Variants in NRG1 observed in about 807,000 individuals in gnomAD.
NRG1 encodes pro-neuregulin-1, membrane-bound isoform.
Under a neutral mutation model 63.8 loss-of-function variants are expected in NRG1, and 18 were observed. That is an observed-to-expected ratio of 0.28 (90% CI 0.19 to 0.42). NRG1 has a LOEUF of 0.42. Among genes scored for constraint, NRG1 ranks in the 10% least tolerant of loss-of-function variants. The pLI, the probability that NRG1 is intolerant of heterozygous loss-of-function variation, is 1.00. For missense variants in NRG1, 762 were observed against 814.7 expected (o/e 0.94, Z 0.79); for synonymous variants, 302 against 301.3 (o/e 1.00, Z -0.02).
chr8:32,044,856 AT>A (rs1820683027), intron 1 of NRG1, among the ~76,000 whole-genome samples: 1 of 147,732 alleles, frequency 6.8e-6, no homozygotes, highest in Non-Finnish European at 1.5e-5. Flanking sequence ...TTATGAGAAA[AT>A]AAGTTCTCAA....
chr8:31,720,196 A>G (rs1293481505), intron 1 of NRG1, among the ~76,000 whole-genome samples: 2 of 152,154 alleles, frequency 1.3e-5, no homozygotes, highest in African/African-American at 4.8e-5. Flanking sequence ...TGATCTTGCT[A>G]TCTTTATCAT....
Position 32,742,920 on chromosome 8 carries a change from C to G in NRG1, c.691+187C>G. On this transcript the variant is annotated intron_variant, in intron 7 of 11. Transcript: ENST00000356819. This position sits in a 1 kb window ranked among gnomAD's most constrained non-coding sequence, Gnocchi z 4.2. ...GCAATTGTATTACTTCCTCTGTTCGCGACTAGTTGGCTCTGAGATACTAAT... is the reference window on the plus strand; with the variant it reads ...GCAATTGTATTACTTCCTCTGTTCGGGACTAGTTGGCTCTGAGATACTAAT... 1 of 1,475,928 alleles carries G rather than the reference C, an allele frequency of 6.8e-7. No individual in the cohort carries two copies. Among genetic ancestry groups the G allele is most frequent in the Non-Finnish European group, 9.0e-7 (1 of 1,111,886 alleles). The allele number at this position is 1,475,928 out of a possible 1,614,324, so 91.4% of individuals were successfully genotyped here.
At chr8:31,829,808 G>T (rs948262292) in intron 1 of NRG1, among the ~76,000 whole-genome samples, 3 of 152,236 alleles carry the variant, frequency 2.0e-5, no homozygotes, top group Non-Finnish European at 4.4e-5. Context: ...AGACTGGCAG[G>T]TGACAAGGCA....
At chr8:32,568,587 G>A (rs915562568) in intron 1 of NRG1, among the ~76,000 whole-genome samples, 7 of 152,124 alleles carry the variant, frequency 4.6e-5, no homozygotes, top group Admixed American at 4.6e-4. Context: ...AAACTCGTGG[G>A]TAGTGCAAAT....
chr8:32,772,381 T>C (rs1831879369), downstream of NRG1, among the ~76,000 whole-genome samples: 1 of 152,118 alleles, frequency 6.6e-6, no homozygotes, highest in South Asian at 2.1e-4. Flanking sequence ...AATATAGGCT[T>C]TGTTAATGGC....
At chr8:32,050,211 A>T (rs1821757353) in intron 1 of NRG1, among the ~76,000 whole-genome samples, 1 of 152,046 alleles carries the variant, frequency 6.6e-6, no homozygotes, top group South Asian at 2.1e-4. Context: ...ACATTGCGTC[A>T]GTTGGTATCT....
intron 1 of NRG1, among the ~76,000 whole-genome samples, chr8:32,035,714 C>T (rs532832099): frequency 6.6e-6 from 1 of 152,150 alleles, no homozygotes; most frequent in South Asian, 2.1e-4. Flanking sequence ...CTTTTTTGAT[C>T]TTTGTTGGTT....
intron 1 of NRG1, among the ~76,000 whole-genome samples, chr8:32,213,528 G>T (rs901350809): frequency 6.6e-6 from 1 of 151,894 alleles, no homozygotes; most frequent in Non-Finnish European, 1.5e-5. Context: ...ATAGGTGATG[G>T]GTCGATAGGT....
chr8:31,882,329 TAAAAAAAAAA>T lies in NRG1; in HGVS notation c.37+242915_37+242924del, dbSNP rs745615085. On this transcript the variant is annotated intron_variant, in intron 1 of 10. Transcript: ENST00000519301. ...CTGTTGAGACTTACTGCTCAAAAACTAAAAAAAAAAAAAAAAAAAAAAAAAATACTCTTTT... is the reference window on the plus strand; with the variant it reads ...CTGTTGAGACTTACTGCTCAAAAACTAAAAAAAAAAAAAAAATACTCTTTT... Among the ~76,000 whole-genome samples the T allele has an allele frequency of 8.8e-4, 70 of 79,824 alleles. 1 individual carries two copies. The highest frequency in any genetic ancestry group is 2.9e-3 in the African/African-American group (60 of 20,416). 52.4% of individuals were successfully genotyped at this position (79,824 alleles called of 152,430 possible). A position where few individuals can be genotyped will look rare whatever the true frequency, so the allele number is the denominator to read the frequency against.
chr8:32,492,575 C>T (rs1826724410), intron 1 of NRG1, among the ~76,000 whole-genome samples: 1 of 152,124 alleles, frequency 6.6e-6, no homozygotes, highest in Admixed American at 6.6e-5. Context: ...CCTTAAGTAA[C>T]TTAGAATGGA....
intron 1 of NRG1, among the ~76,000 whole-genome samples, chr8:32,361,854 C>A (rs1054663392): frequency 2.6e-5 from 4 of 152,182 alleles, no homozygotes; most frequent in Non-Finnish European, 5.9e-5. Flanking sequence ...TTCTCTTCCC[C>A]TTACTTTGCT....
intron 1 of NRG1, among the ~76,000 whole-genome samples, chr8:31,983,738 T>C (rs1328754256): frequency 1.3e-5 from 2 of 151,998 alleles, no homozygotes; most frequent in Non-Finnish European, 2.9e-5. Flanking sequence ...CAGTGAATGA[T>C]AGAGCAGTAT....
chr8:32,364,044 C>G (rs1354654908), intron 1 of NRG1, among the ~76,000 whole-genome samples: 1 of 141,410 alleles, frequency 7.1e-6, no homozygotes, highest in African/African-American at 2.6e-5. Context: ...CAATAACACA[C>G]TATTAACACT....
chr8:32,094,103 A>C (rs1179883962), intron 1 of NRG1, among the ~76,000 whole-genome samples: 1 of 152,188 alleles, frequency 6.6e-6, no homozygotes, highest in Non-Finnish European at 1.5e-5. Context: ...ATATACCTGT[A>C]TCCAGGAATA....
intron 4 of NRG1, 76 bp from the exon 5 acceptor site, chr8:32,616,759 A>G: frequency 8.6e-7 from 1 of 1,157,536 alleles, no homozygotes; most frequent in Non-Finnish European, 1.3e-6. Context: ...GCGATACCCA[A>G]GCCTGGCAAA....
At chr8:32,685,249 GAATT>G (rs1233597194) in intron 5 of NRG1, among the ~76,000 whole-genome samples, 2 of 152,174 alleles carry the variant, frequency 1.3e-5, no homozygotes, top group Non-Finnish European at 2.9e-5. Flanking sequence ...CAATATGCCT[GAATT>G]CATATCTCAG....
chr8:32,453,178 C>T (rs922879964), intron 1 of NRG1, among the ~76,000 whole-genome samples: 1 of 152,052 alleles, frequency 6.6e-6, no homozygotes, highest in Non-Finnish European at 1.5e-5. Flanking sequence ...ATTTAAAATG[C>T]TTCTGGAAAG....
intron 1 of NRG1, among the ~76,000 whole-genome samples, chr8:31,706,495 T>C (rs1197181196): frequency 1.3e-5 from 2 of 152,176 alleles, no homozygotes; most frequent in African/African-American, 4.8e-5. Flanking sequence ...TCAAATCTTT[T>C]GATATTATAA....
intron 1 of NRG1, among the ~76,000 whole-genome samples, chr8:32,349,802 A>T (rs1288889876): frequency 2.0e-5 from 3 of 152,184 alleles, no homozygotes; most frequent in African/African-American, 7.2e-5. Context: ...AAGATCCATC[A>T]GGGCTGCTGG....
Sources: gnomAD v4.1 joint callset for allele counts (sites outside exome capture counted in the v4.1 genomes callset) on GRCh38, gnomAD v4.1.1 for gene constraint, Gnocchi (gnomAD v3.1) non-coding constraint, MANE v1.5 for transcripts, NCBI Gene and HGNC (gene_info 2026-07-23, HGNC 2026-07-21) for gene names.